The following TTC17 variants were observed in gnomAD, a reference collection of about 807,000 sequenced individuals.
TTC17 encodes the protein tetratricopeptide repeat protein 17.
A neutral mutation model predicts 143.8 loss-of-function variants in TTC17; 58 were observed. The observed-to-expected ratio is 0.40, with a 90% CI of 0.33 to 0.50. The LOEUF is 0.50. TTC17 is among the 20% of genes least tolerant of loss of function. The probability of loss-of-function intolerance (pLI) is 0.49; values close to 1 mark genes in which losing one functional copy is unlikely to be tolerated. For synonymous variants in TTC17, 501 were observed against 497.8 expected (o/e 1.01, Z -0.09); for missense variants, 1,273 against 1,392.5 (o/e 0.91, Z 1.37).
At chr11:43,453,619 C>G (rs1018872777) in intron 21 of TTC17, among the ~76,000 whole-genome samples, 3 of 152,128 alleles carry the variant, frequency 2.0e-5, no homozygotes, top group Non-Finnish European at 4.4e-5. Flanking sequence ...AAGCTTCAGA[C>G]AGCCAAAATG....
At chr11:43,454,353 A>T (rs956799004) in intron 21 of TTC17, among the ~76,000 whole-genome samples, 1 of 152,160 alleles carries the variant, frequency 6.6e-6, no homozygotes, top group Non-Finnish European at 1.5e-5. Flanking sequence ...TACTCTATAG[A>T]TACAATACAA....
intron 21 of TTC17, chr11:43,486,436 A>G: frequency 4.4e-6 from 2 of 453,098 alleles, no homozygotes; most frequent in Non-Finnish European, 8.9e-6. Flanking sequence ...CGGGTCTTGG[A>G]ATGTATCCCT....
intron 16 of TTC17, among the ~76,000 whole-genome samples, chr11:43,436,583 T>C (rs539437152): frequency 5.3e-5 from 8 of 152,302 alleles, no homozygotes; most frequent in African/African-American, 1.9e-4. Flanking sequence ...ATGTTACTGG[T>C]ATATTGAGTA....
chr11:43,434,662 C>G (rs1947244642), intron 16 of TTC17, among the ~76,000 whole-genome samples: 1 of 152,186 alleles, frequency 6.6e-6, no homozygotes, highest in Non-Finnish European at 1.5e-5. Flanking sequence ...CGAGTTCTAA[C>G]TACTCAAAGC....
intron 21 of TTC17, among the ~76,000 whole-genome samples, chr11:43,483,754 AAAAT>A (rs1335670566): frequency 2.6e-5 from 4 of 152,346 alleles, no homozygotes; most frequent in African/African-American, 9.6e-5. Context: ...GGAAATATGA[AAAAT>A]AATTACTTGA....
In TTC17 at chr11:43,494,264, T is replaced by C. The variant is rs1001677789; in HGVS notation, c.*360T>C. ...AGCTAGCCTTCTCTTTGGAGGAGGA[T>C]GAAGCCGCATTGCACATTCTCTGCT... On this transcript the variant is annotated 3_prime_UTR_variant, in exon 24 of 24. Transcript: ENST00000039989. 2 of 171,748 alleles carry C rather than the reference T, an allele frequency of 1.2e-5. No individual in the cohort carries two copies. The highest frequency in any genetic ancestry group is 5.5e-5 in the Admixed American group (1 of 18,282). 10.6% of individuals were successfully genotyped at this position (171,748 alleles called of 1,614,324 possible).
intron 15 of TTC17, among the ~76,000 whole-genome samples, chr11:43,411,159 C>T (rs1858394855): frequency 6.6e-6 from 1 of 152,198 alleles, no homozygotes; most frequent in Non-Finnish European, 1.5e-5. Context: ...GTAGAAGGTC[C>T]TACATGACCT....
chr11:43,397,264 T>G (rs1857631338), intron 6 of TTC17, 83 bp from the exon 7 acceptor site: 10 of 1,461,744 alleles, frequency 6.8e-6, no homozygotes, highest in South Asian at 6.6e-5. Flanking sequence ...TATCTTAGTT[T>G]CCTAAGCACA....
At chr11:43,464,751 G>T (rs1221730003) in intron 21 of TTC17, among the ~76,000 whole-genome samples, 1 of 151,916 alleles carries the variant, frequency 6.6e-6, no homozygotes, top group Non-Finnish European at 1.5e-5. Flanking sequence ...TTTAAAGAGA[G>T]AATGATCTGC....
At chr11:43,361,727 C>T (rs1230630501) in intron 1 of TTC17, among the ~76,000 whole-genome samples, 1 of 152,158 alleles carries the variant, frequency 6.6e-6, no homozygotes, top group Non-Finnish European at 1.5e-5. Flanking sequence ...CAAATTCTTG[C>T]TGCTTATTCT....
chr11:43,372,692 T>G (rs891470873), intron 1 of TTC17, among the ~76,000 whole-genome samples: 16 of 152,028 alleles, frequency 1.1e-4, no homozygotes, highest in Admixed American at 1.0e-3. Flanking sequence ...GGTTTCACCA[T>G]GTTAGACAGG....
At chr11:43,381,952 C>T (rs1287642673) in intron 2 of TTC17, among the ~76,000 whole-genome samples, 1 of 152,158 alleles carries the variant, frequency 6.6e-6, no homozygotes, top group Non-Finnish European at 1.5e-5. Flanking sequence ...GCCTATCAGG[C>T]ATTCAAGAAT....
chr11:43,378,090 A>G (rs1856829948), intron 1 of TTC17, among the ~76,000 whole-genome samples: 1 of 152,042 alleles, frequency 6.6e-6, no homozygotes, highest in Non-Finnish European at 1.5e-5. Context: ...TTTAATAGAG[A>G]TGAGGTTTCA....
chr11:43,489,249 T>C (rs576061261), intron 21 of TTC17, among the ~76,000 whole-genome samples: 4 of 152,068 alleles, frequency 2.6e-5, no homozygotes, highest in Non-Finnish European at 4.4e-5. Flanking sequence ...TGAATGCAAA[T>C]AGTTTACAGA....
intron 16 of TTC17, among the ~76,000 whole-genome samples, chr11:43,424,959 T>C (rs1304545765): frequency 6.6e-6 from 1 of 152,172 alleles, no homozygotes; most frequent in Non-Finnish European, 1.5e-5. Flanking sequence ...CAATTGTATT[T>C]CATTCTCCTT....
chr11:43,391,826 A>G lies in TTC17; in HGVS notation c.537A>G (p.Val179=), dbSNP rs1857400979. 1.2e-6 allele frequency: 2 copies of G among 1,612,856 alleles called. No individual in the cohort carries two copies. The highest frequency in any genetic ancestry group is 1.7e-6 in the Non-Finnish European group (2 of 1,179,712). ...AATCTTTTTCTTCTCTTCAGGGTGT[A>G]CAGGAGAGAGTTAATCTTTCTGCAC... ...SIHAFQHLRG[V]QERVNLSAPL... is the part of the protein sequence containing the mutation. The change falls in exon 5 of 24, where the codon GTA becomes GTG. Residue 179 remains valine (V), a synonymous_variant. Transcript: ENST00000039989.
At chr11:43,396,478 C>G (rs1175376739) in intron 5 of TTC17, 2 of 297,124 alleles carry the variant, frequency 6.7e-6, no homozygotes, top group African/African-American at 2.2e-5. Context: ...TGGATGGTCT[C>G]TATATGAAGA....
At chr11:43,362,756 G>A (rs540944656) in intron 1 of TTC17, among the ~76,000 whole-genome samples, 1 of 152,284 alleles carries the variant, frequency 6.6e-6, no homozygotes, top group South Asian at 2.1e-4. Context: ...ACCATGCCCA[G>A]CAAGTTGTTG....
chr11:43,376,578 G>A (rs1215380590), intron 1 of TTC17, among the ~76,000 whole-genome samples: 1 of 152,078 alleles, frequency 6.6e-6, no homozygotes, highest in Non-Finnish European at 1.5e-5. Flanking sequence ...CTACCTCTCT[G>A]TAATTCCTGT....
Sources: gnomAD v4.1 joint callset for allele counts (sites outside exome capture counted in the v4.1 genomes callset) on GRCh38, gnomAD v4.1.1 for gene constraint, MANE v1.5 for transcripts, NCBI Gene and HGNC (gene_info 2026-07-23, HGNC 2026-07-21) for gene names.